Variants in RAB38 observed in about 807,000 individuals in gnomAD.
RAB38 encodes ras-related protein Rab-38.
A neutral mutation model predicts 18.4 loss-of-function variants in RAB38; 15 were observed. The observed-to-expected ratio is 0.82, with a 90% CI of 0.55 to 1.26. RAB38 has a LOEUF of 1.26. Ranked by LOEUF, RAB38 falls within the 50% of genes most tolerant of loss-of-function variation. RAB38 has a pLI of 0.00. For synonymous variants in RAB38, 101 were observed against 104.4 expected (o/e 0.97, Z 0.20); for missense variants, 294 against 267.4 (o/e 1.10, Z -0.69).
the RAB38 span, among the ~76,000 whole-genome samples, chr11:87,970,763 A>C: frequency 6.6e-6 from 1 of 152,136 alleles, no homozygotes; most frequent in Non-Finnish European, 1.5e-5. Flanking sequence ...TGGGACTTGC[A>C]GAGGAAGCAG....
chr11:88,022,611 CAA>C, the RAB38 span, among the ~76,000 whole-genome samples: 15 of 52,096 alleles, frequency 2.9e-4, no homozygotes, highest in East Asian at 7.1e-4. Flanking sequence ...AAAGACCCCA[CAA>C]AAAAAAAAAA....
chr11:88,119,402 C>T (rs1249089831), intron 2 of RAB38, among the ~76,000 whole-genome samples: 1 of 152,134 alleles, frequency 6.6e-6, no homozygotes, highest in Non-Finnish European at 1.5e-5. Flanking sequence ...AGATTCTACA[C>T]TTAAAATGTA....
At chr11:87,879,261 T>G in the RAB38 span, among the ~76,000 whole-genome samples, 1 of 151,706 alleles carries the variant, frequency 6.6e-6, no homozygotes, top group Admixed American at 6.6e-5. Context: ...CATAAATATT[T>G]TCTTATGTGT....
At chr11:88,046,227 G>C in the RAB38 span, among the ~76,000 whole-genome samples, 1 of 152,112 alleles carries the variant, frequency 6.6e-6, no homozygotes, top group African/African-American at 2.4e-5. Context: ...TCACTGGCCT[G>C]CTACAGCATG....
the RAB38 span, among the ~76,000 whole-genome samples, chr11:87,977,415 A>C: frequency 1.3e-5 from 1 of 75,588 alleles, no homozygotes; most frequent in Non-Finnish European, 2.4e-5. Context: ...ATTATAAAAT[A>C]TAATTATATT....
chr11:87,891,861 A>T, the RAB38 span, among the ~76,000 whole-genome samples: 1 of 151,810 alleles, frequency 6.6e-6, no homozygotes, highest in African/African-American at 2.4e-5. Flanking sequence ...GGCCTTTATA[A>T]GACAATAATG....
At chr11:87,886,787 C>CCGGGTTTCAT in the RAB38 span, among the ~76,000 whole-genome samples, 2 of 151,066 alleles carry the variant, frequency 1.3e-5, no homozygotes, top group African/African-American at 4.9e-5. Context: ...CTTGATCGAG[C>CCGGGTTTCAT]CGGGTTTCAT....
chr11:88,017,033 C>G, the RAB38 span, among the ~76,000 whole-genome samples: 7 of 151,932 alleles, frequency 4.6e-5, no homozygotes, highest in African/African-American at 1.7e-4. Context: ...CCTAGGGTTT[C>G]TTAAGAGTCA....
chr11:88,078,729 G>A, the RAB38 span, among the ~76,000 whole-genome samples: 9 of 151,810 alleles, frequency 5.9e-5, no homozygotes, highest in Non-Finnish European at 5.9e-5. Flanking sequence ...GGGAAAAGTA[G>A]GGGGAAGACA....
chr11:87,895,320 T>C, the RAB38 span, among the ~76,000 whole-genome samples: 2 of 151,538 alleles, frequency 1.3e-5, no homozygotes, highest in African/African-American at 4.8e-5. Flanking sequence ...ATACAGTACA[T>C]AAATTGGAAA....
the RAB38 span, among the ~76,000 whole-genome samples, chr11:87,913,248 T>G: frequency 6.6e-6 from 1 of 152,230 alleles, no homozygotes; most frequent in African/African-American, 2.4e-5. Context: ...GTGTCTTTAT[T>G]GAAGATACAG....
the RAB38 span, among the ~76,000 whole-genome samples, chr11:87,869,445 G>A: frequency 1.3e-5 from 2 of 151,606 alleles, no homozygotes; most frequent in Non-Finnish European, 3.0e-5. Flanking sequence ...CCAAATTACT[G>A]CTCTGCTTAC....
chr11:87,948,588 G>C, the RAB38 span, among the ~76,000 whole-genome samples: 1 of 151,994 alleles, frequency 6.6e-6, no homozygotes, highest in African/African-American at 2.4e-5. Flanking sequence ...CTAATTTATT[G>C]AGAGTTTTTA....
At chr11:87,875,465 G>A in the RAB38 span, among the ~76,000 whole-genome samples, 2 of 151,270 alleles carry the variant, frequency 1.3e-5, no homozygotes, top group African/African-American at 4.8e-5. Context: ...TATTTATCTG[G>A]GGTATGTCCA....
the RAB38 span, among the ~76,000 whole-genome samples, chr11:87,966,380 G>A: frequency 6.6e-6 from 1 of 152,230 alleles, no homozygotes; most frequent in Admixed American, 6.5e-5. Context: ...TTCAGCACTA[G>A]GAGATGGAAA....
intron 1 of RAB38, chr11:88,165,853 A>T (rs1380279404): frequency 6.6e-6 from 1 of 152,104 alleles, no homozygotes; most frequent in Non-Finnish European, 1.5e-5. Context: ...TCACAGCAGG[A>T]TTTACTAAAA....
chr11:88,045,446 G>T, the RAB38 span, among the ~76,000 whole-genome samples: 1 of 152,134 alleles, frequency 6.6e-6, no homozygotes, highest in Non-Finnish European at 1.5e-5. Flanking sequence ...CCAGGCCTGC[G>T]TCCCCCAGGA....
At chr11:87,834,873 T>A in the RAB38 span, among the ~76,000 whole-genome samples, 1 of 152,160 alleles carries the variant, frequency 6.6e-6, no homozygotes, top group Non-Finnish European at 1.5e-5. Context: ...ATTTGATAAA[T>A]GCCCAATAAA....
At chr11:87,900,706 A>AGGAAGGAAGGAAGGAG in the RAB38 span, among the ~76,000 whole-genome samples, 1 of 148,058 alleles carries the variant, frequency 6.8e-6, no homozygotes, top group Admixed American at 6.8e-5. Flanking sequence ...GAAGGAAGGA[A>AGGAAGGAAGGAAGGAG]AAAGGAAGAG....
Sources: gnomAD v4.1 joint callset for allele counts (sites outside exome capture counted in the v4.1 genomes callset) on GRCh38, gnomAD v4.1.1 for gene constraint, MANE v1.5 for transcripts, NCBI Gene and HGNC (gene_info 2026-07-23, HGNC 2026-07-21) for gene names.